Variants in TEX2 observed in about 807,000 individuals in gnomAD.
TEX2 encodes the protein testis expressed 2.
Under a neutral mutation model 106.9 loss-of-function variants are expected in TEX2, and 53 were observed. The ratio of observed to expected loss-of-function variants is 0.50; its 90% confidence interval spans 0.40 to 0.62. TEX2 has a LOEUF of 0.62. TEX2 is among the 20% of genes least tolerant of loss of function. The probability of loss-of-function intolerance (pLI) is 0.00; values close to 1 mark genes in which losing one functional copy is unlikely to be tolerated. For missense variants in TEX2, 1,207 were observed against 1,379.0 expected (o/e 0.88, Z 1.98); for synonymous variants, 523 against 534.8 (o/e 0.98, Z 0.30).
intron 5 of TEX2, among the ~76,000 whole-genome samples, chr17:64,180,786 A>G (rs2031822589): frequency 6.6e-6 from 1 of 152,192 alleles, no homozygotes; most frequent in Admixed American, 6.5e-5. Flanking sequence ...CACTCTTGGG[A>G]TATGTGTTAT....
intron 1 of TEX2, chr17:64,230,887 G>C (rs1435044388): frequency 6.6e-6 from 1 of 152,198 alleles, no homozygotes; most frequent in Non-Finnish European, 1.5e-5. Flanking sequence ...TAAAGTCAAG[G>C]AAAGCAAACC....
At chr17:64,240,050 A>C (rs1287131847) in intron 1 of TEX2, among the ~76,000 whole-genome samples, 1 of 152,102 alleles carries the variant, frequency 6.6e-6, no homozygotes, top group Non-Finnish European at 1.5e-5. Context: ...AAGTATATGC[A>C]CTGCCTAGAA....
intron 2 of TEX2, among the ~76,000 whole-genome samples, chr17:64,198,484 T>C (rs889887272): frequency 4.6e-5 from 7 of 151,580 alleles, no homozygotes; most frequent in Non-Finnish European, 1.0e-4. Flanking sequence ...AGAACTCTAT[T>C]AGATCAAAAC....
intron 1 of TEX2, among the ~76,000 whole-genome samples, chr17:64,232,469 G>C (rs1465028129): frequency 6.6e-6 from 1 of 152,156 alleles, no homozygotes; most frequent in Middle Eastern, 3.2e-3. Flanking sequence ...ATATTTATAA[G>C]GGGTTCATAA....
chr17:64,166,047 TC>T (rs1480749079), intron 7 of TEX2, among the ~76,000 whole-genome samples: 14 of 152,262 alleles, frequency 9.2e-5, no homozygotes, highest in African/African-American at 3.4e-4. Flanking sequence ...GTGGTCTGCA[TC>T]CTTGGATCAT....
At chr17:64,262,632 G>C (rs1046914226) in intron 1 of TEX2, among the ~76,000 whole-genome samples, 1 of 152,198 alleles carries the variant, frequency 6.6e-6, no homozygotes, top group Non-Finnish European at 1.5e-5. Context: ...CCCGGATTTC[G>C]GCACGCCGCC....
intron 1 of TEX2, among the ~76,000 whole-genome samples, chr17:64,235,090 C>A (rs1053159451): frequency 1.3e-5 from 2 of 152,196 alleles, no homozygotes; most frequent in African/African-American, 4.8e-5. Context: ...ACAAGAACAA[C>A]AATCAACGTT....
intron 1 of TEX2, among the ~76,000 whole-genome samples, chr17:64,223,357 CT>C (rs71158308): frequency 0.091 from 10,311 of 113,048 alleles, 365 homozygotes; most frequent in Non-Finnish European, 0.1. Context: ...CTGAATCTGG[CT>C]TTTTTTTTTT....
chr17:64,193,757 GCTT>G lies in TEX2; in HGVS notation c.1975_1977del (p.Lys659del). 1 of 1,613,686 alleles carries G rather than the reference GCTT, an allele frequency of 6.2e-7. No homozygotes were observed. On this transcript the variant is annotated inframe_deletion, in exon 4 of 12. Coordinates refer to ENST00000584379, the MANE Select transcript of TEX2 (RefSeq NM_001288732.2). ...GGGTCCTCACTTCCCTCAGCTGGCG[GCTT>G]CTCTTCTGAAGTCTCCTTATCAGTC...
intron 1 of TEX2, among the ~76,000 whole-genome samples, chr17:64,262,901 G>A (rs1319203231): frequency 6.6e-6 from 1 of 152,172 alleles, no homozygotes. Flanking sequence ...AGGCTGAGGG[G>A]ACGGGGCCGG....
intron 1 of TEX2, among the ~76,000 whole-genome samples, chr17:64,231,906 C>T (rs1452265726): frequency 6.6e-6 from 1 of 152,204 alleles, no homozygotes; most frequent in African/African-American, 2.4e-5. Flanking sequence ...TCAGCATCCA[C>T]AGCAGGTGTG....
rs753642783 is a variant in TEX2 at position 64,148,999 on chromosome 17, G to C, written c.3354C>G (p.Asp1118Glu). 1.7e-5 allele frequency: 28 copies of C among 1,614,232 alleles called. 1 individual carries two copies. The Middle Eastern group carries it at 3.6e-3, about 209-fold the overall frequency. Residue 1118 changes from aspartate to glutamate, a missense_variant, in exon 12 of 12, where the codon GAC becomes GAG. This residue lies in a region of TEX2 where 77 missense variants were observed against 73.2 expected (regional missense o/e 1.05). Coordinates refer to ENST00000584379, the MANE Select transcript of TEX2 (RefSeq NM_001288732.2). ...GCTGATCAGCAGCCTCCACAGGTGG[G>C]TCTTTCAGGAGGCAGGAAGTAGAGC... is the stretch of plus-strand genomic sequence containing the variant. ...DPRSTSCLLKDPPVEAADQP is the reference protein window; with the variant it reads ...DPRSTSCLLKEPPVEAADQP
chr17:64,152,864 C>A (rs965788229), intron 10 of TEX2, 81 bp downstream of exon 10: 1 of 1,441,136 alleles, frequency 6.9e-7, no homozygotes, highest in Non-Finnish European at 9.5e-7. Context: ...CTTTCCATAA[C>A]CTCAAGGTTA....
chr17:64,233,939 C>A (rs559838321), intron 1 of TEX2, among the ~76,000 whole-genome samples: 1 of 152,200 alleles, frequency 6.6e-6, no homozygotes, highest in African/African-American at 2.4e-5. Context: ...CCTCCTGGGA[C>A]GTGGTCCTAA....
At chr17:64,239,342 T>C (rs1555635484) in intron 1 of TEX2, 1 of 152,238 alleles carries the variant, frequency 6.6e-6, no homozygotes, top group African/African-American at 2.4e-5. Context: ...TTCAATCCTC[T>C]CTGCTTCATC....
At chr17:64,247,818 C>A (rs1169638630) in intron 1 of TEX2, among the ~76,000 whole-genome samples, 1 of 152,204 alleles carries the variant, frequency 6.6e-6, no homozygotes, top group Non-Finnish European at 1.5e-5. Flanking sequence ...CACAAATATA[C>A]ATACACAAAT....
At chr17:64,180,856 T>C (rs1226764997) in intron 5 of TEX2, among the ~76,000 whole-genome samples, 1 of 152,194 alleles carries the variant, frequency 6.6e-6, no homozygotes, top group Non-Finnish European at 1.5e-5. Context: ...GGTGTAACAT[T>C]TCCTATTACA....
At chr17:64,256,617 A>G (rs2034189495) in intron 1 of TEX2, among the ~76,000 whole-genome samples, 1 of 151,998 alleles carries the variant, frequency 6.6e-6, no homozygotes, top group Non-Finnish European at 1.5e-5. Context: ...GATTTTACAC[A>G]TATTACAATC....
At chr17:64,243,183 T>G (rs1292515699) in intron 1 of TEX2, among the ~76,000 whole-genome samples, 1 of 152,068 alleles carries the variant, frequency 6.6e-6, no homozygotes, top group Non-Finnish European at 1.5e-5. Context: ...TGCCTCGGCC[T>G]CTCAAAGTGC....
Sources: allele counts gnomAD v4.1 joint callset (sites outside exome capture counted in the v4.1 genomes callset), GRCh38; gene constraint gnomAD v4.1.1; regional missense constraint gnomAD v4.1.1; transcripts MANE v1.5; gene names NCBI Gene and HGNC (gene_info 2026-07-23, HGNC 2026-07-21).